SIRT5: variants seen among roughly 807,000 people sequenced by gnomAD.
SIRT5 encodes the protein NAD-dependent protein deacylase sirtuin-5, mitochondrial.
Under a neutral mutation model 40.0 loss-of-function variants are expected in SIRT5, and 26 were observed. That is an observed-to-expected ratio of 0.65 (90% confidence interval 0.48 to 0.90). The LOEUF (loss-of-function observed/expected upper bound fraction) is 0.90. Ranked by LOEUF, SIRT5 falls within the 40% of genes least tolerant of loss-of-function variation. The pLI, the probability that SIRT5 is intolerant of heterozygous loss-of-function variation, is 0.00. For synonymous variants in SIRT5, 146 were observed against 149.1 expected (o/e 0.98, Z 0.15); for missense variants, 401 against 402.4 (o/e 1.00, Z 0.03).
At chr6:13,587,791 C>T (rs1269876906) in intron 3 of SIRT5, among the ~76,000 whole-genome samples, 2 of 152,208 alleles carry the variant, frequency 1.3e-5, no homozygotes, top group Admixed American at 6.5e-5. Flanking sequence ...TCAAATAAGA[C>T]CCTTGCCCTC....
chr6:13,608,453 G>T (rs1763402871), intron 9 of SIRT5, among the ~76,000 whole-genome samples: 1 of 152,082 alleles, frequency 6.6e-6, no homozygotes, highest in South Asian at 2.1e-4. Flanking sequence ...AGGCGTGGTG[G>T]TCCACACCTG....
At chr6:13,592,621 C>G (rs976534833) in intron 5 of SIRT5, among the ~76,000 whole-genome samples, 2 of 152,226 alleles carry the variant, frequency 1.3e-5, no homozygotes, top group Non-Finnish European at 2.9e-5. Context: ...GCTGCCAGCT[C>G]AGTGCTGGAC....
At chr6:13,579,031 T>A (rs2127604420) in intron 1 of SIRT5, among the ~76,000 whole-genome samples, 1 of 152,242 alleles carries the variant, frequency 6.6e-6, no homozygotes, top group South Asian at 2.1e-4. Context: ...TCACCCTGAG[T>A]CCTCTTTCCT....
chr6:13,606,104 C>T (rs988828447), intron 9 of SIRT5, among the ~76,000 whole-genome samples: 9 of 152,160 alleles, frequency 5.9e-5, no homozygotes, highest in African/African-American at 1.9e-4. Flanking sequence ...TTCTACAGCA[C>T]GTGAGCAGGT....
chr6:13,596,491 AT>A (rs575299177), intron 6 of SIRT5, among the ~76,000 whole-genome samples: 10 of 147,868 alleles, frequency 6.8e-5, no homozygotes, highest in African/African-American at 1.2e-4. Flanking sequence ...ACCACTGGTG[AT>A]TTTTTTTTTT....
intron 3 of SIRT5, among the ~76,000 whole-genome samples, chr6:13,586,493 A>C (rs1402566590): frequency 2.0e-5 from 3 of 152,124 alleles, no homozygotes; most frequent in Non-Finnish European, 4.4e-5. Flanking sequence ...CCATTTATTA[A>C]ATAGGGAATC....
chr6:13,580,194 A>T (rs1025306227), intron 2 of SIRT5, among the ~76,000 whole-genome samples: 2 of 152,182 alleles, frequency 1.3e-5, no homozygotes, highest in African/African-American at 4.8e-5. Flanking sequence ...TGGAGACACT[A>T]CACCATGTTT....
At chr6:13,593,123 G>A (rs1270559425) in intron 5 of SIRT5, among the ~76,000 whole-genome samples, 3 of 151,888 alleles carry the variant, frequency 2.0e-5, no homozygotes, top group Non-Finnish European at 4.4e-5. Flanking sequence ...TGTTGTCCAG[G>A]CTGGTCTCAA....
rs199874270 is a variant in SIRT5 at position 13,611,882 on chromosome 6, A to G, written c.*17A>G. 2.7e-5 allele frequency: 44 copies of G among 1,612,360 alleles called. No individual in the cohort carries two copies. Among genetic ancestry groups the G allele is most frequent in the Non-Finnish European group, 1.9e-5 (22 of 1,178,672 alleles). Reference sequence around the variant, plus strand: ...GTTTCTTAAGTGTCCTGGGGAAGAAAGAAATTACAGTATATCTAAGAACTA... The same window carrying G: ...GTTTCTTAAGTGTCCTGGGGAAGAAGGAAATTACAGTATATCTAAGAACTA... On this transcript the variant is annotated 3_prime_UTR_variant, in exon 10 of 10. Transcript: ENST00000606117.
intron 5 of SIRT5, among the ~76,000 whole-genome samples, chr6:13,593,262 GTGTT>G (rs1322895349): frequency 1.3e-5 from 2 of 152,148 alleles, no homozygotes; most frequent in Non-Finnish European, 2.9e-5. Context: ...CCAGTCGGGG[GTGTT>G]TGTTTTTGCG....
At chr6:13,577,580 A>T (rs991135421) in intron 1 of SIRT5, among the ~76,000 whole-genome samples, 6 of 150,856 alleles carry the variant, frequency 4.0e-5, no homozygotes, top group African/African-American at 1.5e-4. Flanking sequence ...TCATATTATC[A>T]TCAAACAGGG....
At chr6:13,586,673 A>G (rs1760123558) in intron 3 of SIRT5, among the ~76,000 whole-genome samples, 2 of 152,054 alleles carry the variant, frequency 1.3e-5, no homozygotes, top group African/African-American at 4.8e-5. Flanking sequence ...CTTCTTCTGA[A>G]TTCATTTTTA....
chr6:13,600,196 C>T (rs1489938540), intron 8 of SIRT5, among the ~76,000 whole-genome samples: 3 of 152,170 alleles, frequency 2.0e-5, no homozygotes, highest in African/African-American at 7.2e-5. Context: ...TTTCTTGACA[C>T]GTCTTTAAAA....
At chr6:13,588,206 G>T in intron 3 of SIRT5, 125 bp from the exon 4 acceptor site, 1 of 1,228,156 alleles carries the variant, frequency 8.1e-7, no homozygotes. Context: ...CATGGTACAG[G>T]AATGATGTTT....
At chr6:13,600,733 G>A (rs1015398663) in intron 8 of SIRT5, 101 bp from the exon 9 acceptor site, 4 of 895,188 alleles carry the variant, frequency 4.5e-6, no homozygotes, top group Non-Finnish European at 6.8e-6. Flanking sequence ...TCTCACACCT[G>A]CAACCACAGA....
chr6:13,599,227 T>C, intron 8 of SIRT5, 72 bp downstream of exon 8: 1 of 1,501,574 alleles, frequency 6.7e-7, no homozygotes, highest in Non-Finnish European at 9.0e-7. Flanking sequence ...CTCTCCTCTT[T>C]TCCTTCCTCC....
At chr6:13,589,951 C>G (rs1760614909) in intron 4 of SIRT5, among the ~76,000 whole-genome samples, 1 of 152,182 alleles carries the variant, frequency 6.6e-6, no homozygotes, top group Non-Finnish European at 1.5e-5. Context: ...CACCTATAAA[C>G]TACTCCAGGC....
In SIRT5 at chr6:13,605,801, G is replaced by A. The variant is rs950222717; in HGVS notation, c.857+4852G>A. 6.2e-5 allele frequency: 61 copies of A among 985,280 alleles called. No homozygotes were observed. In the African/African-American group the frequency reaches 8.9e-4, roughly 14 times the overall value. The allele number at this position is 985,280 out of a possible 1,614,324, so 61.0% of individuals were successfully genotyped here. ...CTTGGCTTGTAGGATTTGTACATTCGCTGAGGCAAAAATGGGACTGTCGCT... is the reference window on the plus strand; with the variant it reads ...CTTGGCTTGTAGGATTTGTACATTCACTGAGGCAAAAATGGGACTGTCGCT... On this transcript the variant is annotated intron_variant, in intron 9 of 9. Transcript: ENST00000606117.
At chr6:13,605,497 A>T (rs2127722625) in intron 9 of SIRT5, 1 of 985,414 alleles carries the variant, frequency 1.0e-6, no homozygotes, top group Middle Eastern at 5.2e-4. Flanking sequence ...CTATATTTTA[A>T]TAAGGATTTG....
Sources: gnomAD v4.1 joint callset for allele counts (sites outside exome capture counted in the v4.1 genomes callset) on GRCh38, gnomAD v4.1.1 for gene constraint, MANE v1.5 for transcripts, NCBI Gene and HGNC (gene_info 2026-07-23, HGNC 2026-07-21) for gene names.